GIGYF2: variants seen among roughly 807,000 people sequenced by gnomAD.
GIGYF2 encodes the protein GRB10-interacting GYF protein 2.
GIGYF2 carries 25 observed loss-of-function variants against 208.1 expected under a neutral mutation model. The observed-to-expected ratio is 0.12, with a 90% CI of 0.09 to 0.17. The LOEUF (loss-of-function observed/expected upper bound fraction) is 0.17, where lower values mean the gene tolerates loss of function less well. Among genes scored for constraint, GIGYF2 ranks in the 10% least tolerant of loss-of-function variants. GIGYF2 has a pLI of 1.00. For missense variants in GIGYF2, 1,302 were observed against 1,579.4 expected (o/e 0.82, Z 2.98); for synonymous variants, 534 against 543.8 (o/e 0.98, Z 0.25).
chr2:232,849,500 C>T (rs975159747), intron 27 of GIGYF2, among the ~76,000 whole-genome samples: 2 of 152,110 alleles, frequency 1.3e-5, no homozygotes, highest in Non-Finnish European at 2.9e-5. Context: ...CATCATACAG[C>T]AATATAGAAG....
rs193231924 is a variant in GIGYF2, at chr2:232,701,094, T to C, written c.-109-2330T>C. ...ACCTTTATTGAATTGCCTATAGTTT[T>C]GTGTGAGGTTGAAAGCAGAAAGAGG... is the stretch of plus-strand genomic sequence containing the variant. On this transcript the variant is annotated intron_variant, in intron 1 of 28. Transcript: ENST00000373563. Among the ~76,000 whole-genome samples, 10 of 152,250 alleles carry C rather than the reference T, an allele frequency of 6.6e-5. No individual in the cohort carries two copies. The East Asian group carries it at 1.7e-3, about 27-fold the overall frequency.
At position 232,784,483 on chromosome 2, in the gene GIGYF2, A is replaced by G. The variant is rs368792069; in HGVS notation, c.533-2667A>G. Among the ~76,000 whole-genome samples the G allele has an allele frequency of 3.8e-5, 5 of 130,242 alleles. No individual in the cohort carries two copies. In the South Asian group the frequency reaches 1.0e-3, roughly 27 times the overall value. The allele number at this position is 130,242 out of a possible 152,430, so 85.4% of individuals were successfully genotyped here. A position where few individuals can be genotyped will look rare whatever the true frequency, so the allele number is the denominator to read the frequency against. ...GGGCTCACTGCAAGCTCCACCTCCC[A>G]GGTTCATGCCATTCTCCTGCCTCAG... On this transcript the variant is annotated intron_variant, in intron 8 of 28. Transcript: ENST00000373563.
chr2:232,706,873 G>C (rs1696136776), intron 2 of GIGYF2, among the ~76,000 whole-genome samples: 1 of 151,550 alleles, frequency 6.6e-6, no homozygotes, highest in African/African-American at 2.4e-5. Flanking sequence ...TTAGGCCTGG[G>C]AGTTTGAGGC....
intron 28 of GIGYF2, among the ~76,000 whole-genome samples, chr2:232,853,779 G>C (rs772060337): frequency 2.6e-5 from 4 of 152,216 alleles, no homozygotes; most frequent in Non-Finnish European, 5.9e-5. Context: ...TTGAATCCGT[G>C]TTTGTGTTGC....
chr2:232,808,931 A>G (rs1232265116), intron 15 of GIGYF2, among the ~76,000 whole-genome samples: 1 of 152,142 alleles, frequency 6.6e-6, no homozygotes, highest in Non-Finnish European at 1.5e-5. Flanking sequence ...ACATACATAT[A>G]CATATATACA....
At chr2:232,746,165 T>C (rs1698142088) in intron 3 of GIGYF2, among the ~76,000 whole-genome samples, 1 of 151,758 alleles carries the variant, frequency 6.6e-6, no homozygotes, top group African/African-American at 2.4e-5. Context: ...CAAAAAATTT[T>C]CCACAATAAG....
intron 3 of GIGYF2, among the ~76,000 whole-genome samples, chr2:232,746,983 T>G (rs895221057): frequency 2.6e-5 from 4 of 152,206 alleles, no homozygotes; most frequent in African/African-American, 9.7e-5. Context: ...TTTGCTGCAG[T>G]TTGTATGTCT....
intron 5 of GIGYF2, among the ~76,000 whole-genome samples, chr2:232,753,582 C>T (rs771951419): frequency 2.6e-5 from 4 of 152,094 alleles, no homozygotes; most frequent in Non-Finnish European, 4.4e-5. Context: ...ACCTAAGCAT[C>T]TAAGAGATAA....
At chr2:232,702,480 T>G (rs1314833627) in intron 1 of GIGYF2, among the ~76,000 whole-genome samples, 1 of 151,976 alleles carries the variant, frequency 6.6e-6, no homozygotes, top group African/African-American at 2.4e-5. Context: ...ATCTAGTTGC[T>G]TTCCTGTAGT....
At position 232,768,295 on chromosome 2, in the gene GIGYF2, T is replaced by C. The variant is rs1574856135; in HGVS notation, c.532+6859T>C. 6.2e-7 allele frequency: 1 copy of C among 1,614,046 alleles called. No homozygotes were observed. The highest frequency in any genetic ancestry group is 8.5e-7 in the Non-Finnish European group (1 of 1,179,992). On this transcript the variant is annotated intron_variant, in intron 8 of 28. Transcript: ENST00000373563. ...TTTGGGCTTTTAGAAACCAGAGGAGTTGGAAATTCAGGGACAGTCTTGTCA... is the reference window on the plus strand; with the variant it reads ...TTTGGGCTTTTAGAAACCAGAGGAGCTGGAAATTCAGGGACAGTCTTGTCA...
intron 8 of GIGYF2, among the ~76,000 whole-genome samples, chr2:232,769,903 C>G (rs1055831019): frequency 3.9e-5 from 6 of 152,148 alleles, no homozygotes; most frequent in African/African-American, 1.4e-4. Context: ...CTGTGATTTT[C>G]AAGTATTCTG....
At chr2:232,835,356 G>A (rs1701551008) in intron 22 of GIGYF2, among the ~76,000 whole-genome samples, 1 of 152,068 alleles carries the variant, frequency 6.6e-6, no homozygotes, top group Admixed American at 6.6e-5. Flanking sequence ...GTGTGACACT[G>A]TCATCATACC....
In GIGYF2 at chr2:232,769,097, T is replaced by A. The variant is rs115509509; in HGVS notation, c.532+7661T>A. ...TCTAGTTTCTTACAAAGTCAAAGAATTGGTCATTTCCTATATTCCTGCCTG... is the reference window on the plus strand; with the variant it reads ...TCTAGTTTCTTACAAAGTCAAAGAAATGGTCATTTCCTATATTCCTGCCTG... On this transcript the variant is annotated intron_variant, in intron 8 of 28. Coordinates refer to ENST00000373563, the MANE Select transcript of GIGYF2 (RefSeq NM_001103146.3). Among the ~76,000 whole-genome samples, 784 of 152,256 alleles carry A rather than the reference T, an allele frequency of 5.1e-3. 4 individuals are homozygous for A. The highest frequency in any genetic ancestry group is 0.018 in the African/African-American group (759 of 41,546).
chr2:232,854,995 C>T (rs1410723863), intron 28 of GIGYF2, among the ~76,000 whole-genome samples: 1 of 152,000 alleles, frequency 6.6e-6, no homozygotes, highest in Non-Finnish European at 1.5e-5. Flanking sequence ...TTTTTATCAA[C>T]CTCCAATTAT....
At position 232,858,065 on chromosome 2, in the gene GIGYF2, A is replaced by T. The variant is rs1254401770; in HGVS notation, c.*1205A>T. On this transcript the variant is annotated 3_prime_UTR_variant, in exon 29 of 29. Coordinates refer to ENST00000373563, the MANE Select transcript of GIGYF2 (RefSeq NM_001103146.3). ...CCTGGCTTCTGGTCATGGCCTCCTAAAACCTTAAACTTCAAGTAGAAATGT... is the reference window on the plus strand; with the variant it reads ...CCTGGCTTCTGGTCATGGCCTCCTATAACCTTAAACTTCAAGTAGAAATGT... 1 of 177,306 alleles carries T rather than the reference A, an allele frequency of 5.6e-6. No individual in the cohort carries two copies. Among genetic ancestry groups the T allele is most frequent in the Non-Finnish European group, 1.2e-5 (1 of 85,232 alleles). 11.0% of individuals were successfully genotyped at this position (177,306 alleles called of 1,614,324 possible). A position where few individuals can be genotyped will look rare whatever the true frequency, so the allele number is the denominator to read the frequency against.
At chr2:232,725,655 G>C (rs1697163843) in intron 2 of GIGYF2, among the ~76,000 whole-genome samples, 1 of 152,162 alleles carries the variant, frequency 6.6e-6, no homozygotes, top group South Asian at 2.1e-4. Flanking sequence ...TCTCATTTTA[G>C]GATAATCTTC....
rs1299156826 is a variant in GIGYF2 at position 232,790,911 on chromosome 2, T to G, written c.926T>G (p.Leu309Arg). 4 of 1,613,744 alleles carry G rather than the reference T, an allele frequency of 2.5e-6. No individual in the cohort carries two copies. Among genetic ancestry groups the G allele is most frequent in the Non-Finnish European group, 3.4e-6 (4 of 1,179,758 alleles). ...GACTCATCTGGAGCATTCCTTTCTCTAAAAGTAAGAAACGTGTTTTAAATG... is the reference window on the plus strand; with the variant it reads ...GACTCATCTGGAGCATTCCTTTCTCGAAAAGTAAGAAACGTGTTTTAAATG... The part of the protein sequence containing the change: ...TFDSSGAFLS[L>R]KKVQKEPIPE... The change falls in exon 10 of 29, where the codon CTA becomes CGA. Residue 309 changes from leucine to arginine, a missense_variant. This residue lies in a region of GIGYF2 where 235 missense variants were observed against 218.8 expected (regional missense o/e 1.07). Transcript: ENST00000373563.
chr2:232,776,544 T>G, intron 8 of GIGYF2: 1 of 881,646 alleles, frequency 1.1e-6, no homozygotes, highest in Non-Finnish European at 1.9e-6. Flanking sequence ...CAAGTCTAGT[T>G]TGTAGGTTCT....
intron 1 of GIGYF2, among the ~76,000 whole-genome samples, chr2:232,698,966 A>G (rs899964005): frequency 3.3e-5 from 5 of 152,182 alleles, no homozygotes; most frequent in African/African-American, 1.2e-4. Flanking sequence ...CTACACTGTT[A>G]AGTACTGGGA....
Sources: allele counts gnomAD v4.1 joint callset (sites outside exome capture counted in the v4.1 genomes callset), GRCh38; gene constraint gnomAD v4.1.1; regional missense constraint gnomAD v4.1.1; transcripts MANE v1.5; gene names NCBI Gene and HGNC (gene_info 2026-07-23, HGNC 2026-07-21).